EYS: variants seen among roughly 807,000 people sequenced by gnomAD.
EYS encodes EGF-like photoreceptor maintenance factor.
In EYS, 250 loss-of-function variants were observed where a neutral mutation model predicts 282.1. The ratio of observed to expected loss-of-function variants is 0.89; its 90% CI spans 0.80 to 0.98. The LOEUF (loss-of-function observed/expected upper bound fraction) is 0.98. EYS is among the 50% of genes least tolerant of loss of function. The pLI is 0.00. For synonymous variants in EYS, 1,355 were observed against 1,282.9 expected (o/e 1.06, Z -1.20); for missense variants, 4,016 against 3,709.0 (o/e 1.08, Z -2.15).
Position 64,813,512 on chromosome 6 carries a change from G to T in EYS, c.3309C>A (p.Cys1103Ter). The change falls in exon 22 of 43, where the codon TGC becomes TGA. Residue 1103 changes from cysteine (C) to a stop codon, truncating the protein, a stop_gained. Transcript: ENST00000503581. LOFTEE classifies it high-confidence loss of function. Reference sequence around the variant, plus strand: ...CACCAGTGTATCCACGTGGGCAAATGCAAGTAAATCCATGTGCTGACTTCT... The same window carrying T: ...CACCAGTGTATCCACGTGGGCAAATTCAAGTAAATCCATGTGCTGACTTCT... ...FCQKSAHGFT[C>*]ICPRGYTGAY... 2 of 1,550,520 alleles carry T rather than the reference G, an allele frequency of 1.3e-6. No homozygotes were observed. Among genetic ancestry groups the T allele is most frequent in the African/African-American group, 1.4e-5 (1 of 73,056 alleles).
At chr6:64,391,416 C>G (rs1202979628) in intron 28 of EYS, among the ~76,000 whole-genome samples, 1 of 152,156 alleles carries the variant, frequency 6.6e-6, no homozygotes, top group African/African-American at 2.4e-5. Flanking sequence ...ATCAGACTAA[C>G]AGCAGATCTC....
At chr6:65,048,884 T>TAAA (rs1470353696) in intron 13 of EYS, among the ~76,000 whole-genome samples, 1 of 151,832 alleles carries the variant, frequency 6.6e-6, no homozygotes, top group Non-Finnish European at 1.5e-5. Context: ...TCCAATTACC[T>TAAA]AACTCAAGCC....
chr6:63,824,894 A>G (rs1014210838), intron 36 of EYS, among the ~76,000 whole-genome samples: 3 of 152,224 alleles, frequency 2.0e-5, no homozygotes, highest in Non-Finnish European at 4.4e-5. Context: ...GAACCAGGCG[A>G]GAAGCCTCCT....
chr6:64,859,447 T>G (rs1212856709), intron 19 of EYS, among the ~76,000 whole-genome samples: 1 of 149,040 alleles, frequency 6.7e-6, no homozygotes, highest in Non-Finnish European at 1.5e-5. Context: ...ACAAAAATAA[T>G]GGAAATATAT....
intron 30 of EYS, among the ~76,000 whole-genome samples, chr6:64,266,359 A>C (rs963500510): frequency 1.3e-5 from 2 of 152,074 alleles, no homozygotes; most frequent in African/African-American, 4.8e-5. Context: ...GGGAAAGCAA[A>C]ACAATAGAGT....
intron 26 of EYS, among the ~76,000 whole-genome samples, chr6:64,507,638 G>A (rs748188008): frequency 2.1e-4 from 32 of 152,130 alleles, no homozygotes; most frequent in Non-Finnish European, 4.6e-4. Context: ...AATCAACTGG[G>A]TAAAGCTAGA....
At chr6:64,711,120 C>A (rs559551801) in intron 22 of EYS, among the ~76,000 whole-genome samples, 2 of 152,100 alleles carry the variant, frequency 1.3e-5, no homozygotes, top group African/African-American at 4.8e-5. Context: ...TGTAATTAGG[C>A]GTCTCATTAC....
At chr6:64,715,286 G>A (rs557422965) in intron 22 of EYS, among the ~76,000 whole-genome samples, 165 of 151,972 alleles carry the variant, frequency 1.1e-3, no homozygotes, top group African/African-American at 3.9e-3. Context: ...GGTACCTGAA[G>A]TGTGTTGCTT....
In EYS at chr6:63,721,710, TG is replaced by T; in HGVS notation, c.8320del (p.Gln2774LysfsTer3). 1 of 1,551,448 alleles carries T rather than the reference TG, an allele frequency of 6.4e-7. No homozygotes were observed. The highest frequency in any genetic ancestry group is 2.4e-5 in the East Asian group (1 of 40,914). ...GDRTIILETL[Q>X]KVTINGSTWH... ...AGTACTTCCGTTTATAGTTACTTTT[TG>T]GAGAGTTTCTAGAATGATAGTTCTG... On this transcript the variant is annotated frameshift_variant, in exon 43 of 43. Transcript: ENST00000503581. LOFTEE classifies it low-confidence loss of function (END_TRUNC).
intron 12 of EYS, among the ~76,000 whole-genome samples, chr6:65,197,849 A>T (rs982637023): frequency 1.3e-5 from 2 of 152,118 alleles, no homozygotes; most frequent in African/African-American, 4.8e-5. Flanking sequence ...TAAGTCACTG[A>T]GTGAGTGGTG....
At chr6:63,768,161 C>A (rs190962463) in intron 40 of EYS, among the ~76,000 whole-genome samples, 16 of 152,040 alleles carry the variant, frequency 1.1e-4, no homozygotes, top group African/African-American at 3.9e-4. Flanking sequence ...GGACATCAGG[C>A]TTGGTAAAGA....
At chr6:64,868,809 A>T (rs1186279529) in intron 19 of EYS, among the ~76,000 whole-genome samples, 2 of 151,544 alleles carry the variant, frequency 1.3e-5, no homozygotes, top group Non-Finnish European at 3.0e-5. Context: ...CAGGTTAAAA[A>T]GAATTACAAT....
chr6:64,769,784 G>A (rs1773468434), intron 22 of EYS, among the ~76,000 whole-genome samples: 1 of 151,894 alleles, frequency 6.6e-6, no homozygotes, highest in Non-Finnish European at 1.5e-5. Context: ...ATGAGAATAA[G>A]GTGTCAAGCT....
At chr6:64,777,309 C>A (rs78268104) in intron 22 of EYS, among the ~76,000 whole-genome samples, 2,643 of 152,184 alleles carry the variant, frequency 0.017, 61 homozygotes, top group African/African-American at 0.061. Context: ...AGGTATTATT[C>A]TTTATACCTT....
At chr6:63,722,372 C>T (rs1316784391) in intron 42 of EYS, among the ~76,000 whole-genome samples, 1 of 152,168 alleles carries the variant, frequency 6.6e-6, no homozygotes, top group African/African-American at 2.4e-5. Context: ...GAGAAGTTTT[C>T]CTTGATTTCC....
At chr6:65,529,680 TATC>T (rs1293702167) in intron 2 of EYS, among the ~76,000 whole-genome samples, 1 of 152,208 alleles carries the variant, frequency 6.6e-6, no homozygotes, top group Non-Finnish European at 1.5e-5. Context: ...AACATGTTGA[TATC>T]ATAATGCCAG....
intron 12 of EYS, among the ~76,000 whole-genome samples, chr6:65,172,684 TTTG>T (rs1240820834): frequency 6.6e-6 from 1 of 151,418 alleles, no homozygotes; most frequent in Non-Finnish European, 1.5e-5. Flanking sequence ...AGATTTGTAT[TTTG>T]TTAACAGTTT....
intron 22 of EYS, among the ~76,000 whole-genome samples, chr6:64,680,298 C>T (rs960881975): frequency 6.6e-6 from 1 of 152,102 alleles, no homozygotes; most frequent in African/African-American, 2.4e-5. Context: ...CCCAGTGAAA[C>T]GACCATAACT....
intron 29 of EYS, among the ~76,000 whole-genome samples, chr6:64,314,099 C>T (rs766426047): frequency 3.4e-5 from 5 of 146,046 alleles, no homozygotes; most frequent in East Asian, 2.1e-4. Flanking sequence ...CAAGACCCTT[C>T]GCTGTGCTGT....
Sources: allele counts gnomAD v4.1 joint callset (sites outside exome capture counted in the v4.1 genomes callset), GRCh38; gene constraint gnomAD v4.1.1; transcripts MANE v1.5; gene names NCBI Gene and HGNC (gene_info 2026-07-23, HGNC 2026-07-21).